Variants in CAMTA1 observed in about 807,000 individuals in gnomAD.
CAMTA1 encodes calmodulin-binding transcription activator 1.
CAMTA1 carries 27 observed loss-of-function variants against 170.9 expected under a neutral mutation model. The observed-to-expected ratio is 0.16, with a 90% CI of 0.12 to 0.22. The LOEUF is 0.22. Among genes scored for constraint, CAMTA1 ranks in the 10% least tolerant of loss-of-function variants. CAMTA1 has a pLI of 1.00. For missense variants in CAMTA1, 1,619 were observed against 2,217.2 expected (o/e 0.73, Z 5.42); for synonymous variants, 833 against 891.5 (o/e 0.93, Z 1.17).
chr1:6,854,744 A>G (rs1661667571), intron 3 of CAMTA1, among the ~76,000 whole-genome samples: 1 of 152,174 alleles, frequency 6.6e-6, no homozygotes, highest in South Asian at 2.1e-4. Flanking sequence ...CTAAATTAAT[A>G]GAGTAGAGCA....
At chr1:7,020,626 C>T (rs1333208021) in intron 3 of CAMTA1, among the ~76,000 whole-genome samples, 1 of 152,218 alleles carries the variant, frequency 6.6e-6, no homozygotes, top group Admixed American at 6.5e-5. Context: ...AGGGCTCATG[C>T]CCCTCTGAGG....
rs552618775 is a variant in CAMTA1 at position 7,086,679 on chromosome 1, T to C, written c.235-4625T>C. Among the ~76,000 whole-genome samples, 28 of 152,374 alleles carry C rather than the reference T, an allele frequency of 1.8e-4. No homozygotes were observed. The South Asian group carries it at 4.3e-3, about 24-fold the overall frequency. The stretch of plus-strand genomic sequence containing the variant: ...GCACCATGCAACACAGGGCCTTCCA[T>C]GCCTGGCCTCTTCCACTCAGCATCA... On this transcript the variant is annotated intron_variant, in intron 3 of 22. Transcript: ENST00000303635.
intron 3 of CAMTA1, among the ~76,000 whole-genome samples, chr1:6,993,082 C>T (rs79782070): frequency 0.022 from 3,392 of 152,302 alleles, 118 homozygotes; most frequent in African/African-American, 0.078. Context: ...TTCCACTAAT[C>T]TATTTGTCTG....
In CAMTA1 at chr1:6,996,565, T is replaced by C. The variant is rs148598145; in HGVS notation, c.235-94739T>C. Reference sequence around the variant, plus strand: ...GGGAGTTCCCCTTTCATTTTCTAGCTGCTGTGGTTAACCCAAGCTCTCCTC... The same window carrying C: ...GGGAGTTCCCCTTTCATTTTCTAGCCGCTGTGGTTAACCCAAGCTCTCCTC... On this transcript the variant is annotated intron_variant, in intron 3 of 22. Coordinates refer to ENST00000303635, the MANE Select transcript of CAMTA1 (RefSeq NM_015215.4). 9.5e-4 allele frequency among the ~76,000 whole-genome samples: 144 copies of C among 152,306 alleles called. 2 individuals are homozygous for C. In the East Asian group the frequency reaches 0.025, roughly 26 times the overall value.
chr1:7,589,731 C>T (rs1047613730), intron 6 of CAMTA1, among the ~76,000 whole-genome samples: 1 of 152,164 alleles, frequency 6.6e-6, no homozygotes, highest in Admixed American at 6.5e-5. Context: ...ACCCCCAAAG[C>T]CCTTGCCTCG....
intron 7 of CAMTA1, among the ~76,000 whole-genome samples, chr1:7,646,346 GTGGAGGCCCTGGTAAGTTGGA>G (rs372313127): frequency 8.0e-5 from 12 of 150,362 alleles, no homozygotes; most frequent in African/African-American, 2.5e-4. Context: ...GGTGAGTTGG[GTGGAGGCCCTGGTAAGTTGGA>G]TGGAGGCCAT....
At chr1:6,819,437 C>T (rs951817364) in intron 1 of CAMTA1, among the ~76,000 whole-genome samples, 1 of 152,020 alleles carries the variant, frequency 6.6e-6, no homozygotes, top group Non-Finnish European at 1.5e-5. Context: ...CTTGCCATGC[C>T]ATAATACTAG....
intron 1 of CAMTA1, among the ~76,000 whole-genome samples, chr1:6,788,676 C>G (rs185847237): frequency 6.6e-6 from 1 of 152,072 alleles, no homozygotes; most frequent in Non-Finnish European, 1.5e-5. Flanking sequence ...GGTGGTTCTT[C>G]CTACCGTTTC....
chr1:7,371,450 G>A (rs367955327), intron 5 of CAMTA1, among the ~76,000 whole-genome samples: 2 of 151,594 alleles, frequency 1.3e-5, no homozygotes, highest in Middle Eastern at 3.2e-3. Flanking sequence ...AGTAGAGATG[G>A]GGTTTCATCA....
chr1:7,527,042 C>T (rs2094439850), intron 6 of CAMTA1, among the ~76,000 whole-genome samples: 1 of 152,194 alleles, frequency 6.6e-6, no homozygotes, highest in Non-Finnish European at 1.5e-5. Flanking sequence ...AGACCTGACT[C>T]TTCCTGCCCC....
intron 6 of CAMTA1, among the ~76,000 whole-genome samples, chr1:7,537,718 A>T (rs1274066579): frequency 6.6e-6 from 1 of 152,200 alleles, no homozygotes; most frequent in Non-Finnish European, 1.5e-5. Context: ...CCCCAGACAA[A>T]TAGACACACT....
chr1:6,895,568 G>T lies in CAMTA1; in HGVS notation c.234+70358G>T, dbSNP rs186311394. Among the ~76,000 whole-genome samples, 21 of 152,326 alleles carry T rather than the reference G, an allele frequency of 1.4e-4. No individual in the cohort carries two copies. In the East Asian group the frequency reaches 3.3e-3, roughly 24 times the overall value. On this transcript the variant is annotated intron_variant, in intron 3 of 22. Coordinates refer to ENST00000303635, the MANE Select transcript of CAMTA1 (RefSeq NM_015215.4). ...GTGACTTTCTATCCATTTGGAGTCCGGTCAGCATGAATAATCTGGCCTCTG... is the reference window on the plus strand; with the variant it reads ...GTGACTTTCTATCCATTTGGAGTCCTGTCAGCATGAATAATCTGGCCTCTG...
chr1:7,416,867 G>A (rs2149290086), intron 5 of CAMTA1, among the ~76,000 whole-genome samples: 1 of 152,230 alleles, frequency 6.6e-6, no homozygotes, highest in African/African-American at 2.4e-5. Context: ...TTTCTGCTCT[G>A]TTTTTTCCCC....
chr1:7,615,935 C>T (rs1345426580), intron 6 of CAMTA1, among the ~76,000 whole-genome samples: 1 of 152,248 alleles, frequency 6.6e-6, no homozygotes, highest in Non-Finnish European at 1.5e-5. Flanking sequence ...TACAATAGCT[C>T]TTTGTGGAAT....
At chr1:7,368,209 A>G (rs2150032417) in intron 5 of CAMTA1, among the ~76,000 whole-genome samples, 1 of 148,038 alleles carries the variant, frequency 6.8e-6, no homozygotes, top group South Asian at 2.2e-4. Flanking sequence ...CTGGGCACTC[A>G]TGGTTTCATT....
chr1:6,786,986 G>C (rs1464420369), intron 1 of CAMTA1, among the ~76,000 whole-genome samples: 1 of 152,144 alleles, frequency 6.6e-6, no homozygotes, highest in Admixed American at 6.5e-5. Context: ...ATGTGGCCTT[G>C]TTTTTTGATG....
At chr1:7,549,672 G>A (rs886615091) in intron 6 of CAMTA1, among the ~76,000 whole-genome samples, 1 of 152,168 alleles carries the variant, frequency 6.6e-6, no homozygotes, top group Non-Finnish European at 1.5e-5. Flanking sequence ...TGATATGTGA[G>A]GTTCATGAGT....
At chr1:7,366,467 G>A (rs1481435772) in intron 5 of CAMTA1, among the ~76,000 whole-genome samples, 2 of 152,190 alleles carry the variant, frequency 1.3e-5, no homozygotes, top group African/African-American at 2.4e-5. Flanking sequence ...GGGTGAGTGT[G>A]CATGTGGCTA....
intron 4 of CAMTA1, among the ~76,000 whole-genome samples, chr1:7,184,657 A>T (rs899417243): frequency 4.6e-5 from 7 of 152,188 alleles, no homozygotes; most frequent in Non-Finnish European, 1.0e-4. Context: ...GGTTGAAAGG[A>T]TGGGAGGATG....
Sources: gnomAD v4.1 joint callset for allele counts (sites outside exome capture counted in the v4.1 genomes callset) on GRCh38, gnomAD v4.1.1 for gene constraint, MANE v1.5 for transcripts, NCBI Gene and HGNC (gene_info 2026-07-23, HGNC 2026-07-21) for gene names.